Variants in CACNA1A observed in about 807,000 individuals in gnomAD.
The protein encoded by CACNA1A is voltage-dependent P/Q-type calcium channel subunit alpha-1A.
Under a neutral mutation model 262.4 loss-of-function variants are expected in CACNA1A, and 57 were observed. The observed-to-expected ratio is 0.22, with a 90% confidence interval of 0.18 to 0.27. CACNA1A has a LOEUF of 0.27. Among genes scored for constraint, CACNA1A ranks in the 10% least tolerant of loss-of-function variants. CACNA1A has a pLI of 1.00. For synonymous variants in CACNA1A, 1,431 were observed against 1,419.3 expected, an observed-to-expected ratio of 1.01 and a Z score of -0.18; for missense variants, 2,526 against 3,562.8, an observed-to-expected ratio of 0.71 and a Z score of 7.41.
At chr19:13,450,901 G>A (rs10412892) in intron 3 of CACNA1A, 38,237 of 151,838 alleles carry the variant, frequency 0.25, 6,870 homozygotes, top group African/African-American at 0.51. Flanking sequence ...CTGGGCCCAA[G>A]CAATCCTCCC....
rs117473858 is a variant in CACNA1A at position 13,494,692 on chromosome 19, C to T, written c.293+11240G>A. ...CAGTTCTGCATGGCTGGGGACGCCTCAGGAAACTTACAAATCATGGCAGAA... is the reference window on the plus strand; with the variant it reads ...CAGTTCTGCATGGCTGGGGACGCCTTAGGAAACTTACAAATCATGGCAGAA... On this transcript the variant is annotated intron_variant, in intron 1 of 46. Transcript: ENST00000360228. Among the ~76,000 whole-genome samples the T allele has an allele frequency of 0.02, 3,116 of 152,220 alleles. 189 individuals carry two copies. In the East Asian group the frequency reaches 0.21, roughly 10 times the overall value.
At chr19:13,423,926 T>C (rs2060357241) in intron 3 of CACNA1A, among the ~76,000 whole-genome samples, 1 of 152,098 alleles carries the variant, frequency 6.6e-6, no homozygotes, top group African/African-American at 2.4e-5. Flanking sequence ...ATCTAAAACA[T>C]CACCCAAGGC....
chr19:13,264,905 TG>T (rs1452050878), intron 24 of CACNA1A, among the ~76,000 whole-genome samples: 1 of 150,418 alleles, frequency 6.6e-6, no homozygotes, highest in Non-Finnish European at 1.5e-5. Flanking sequence ...GATGGAGTCT[TG>T]CTCTATTGCC....
chr19:13,344,310 CA>C (rs2058724811), intron 6 of CACNA1A, among the ~76,000 whole-genome samples: 1 of 151,810 alleles, frequency 6.6e-6, no homozygotes, highest in African/African-American at 2.4e-5. Flanking sequence ...CCAAAGTTAG[CA>C]GAAGAAAAGA....
intron 3 of CACNA1A, among the ~76,000 whole-genome samples, chr19:13,395,717 T>A (rs772644748): frequency 2.0e-5 from 3 of 151,960 alleles, no homozygotes; most frequent in Non-Finnish European, 4.4e-5. Flanking sequence ...CCAGAAGGAA[T>A]GCATGCTCTG....
intron 1 of CACNA1A, among the ~76,000 whole-genome samples, chr19:13,476,984 C>G (rs74489622): frequency 6.6e-6 from 1 of 152,174 alleles, no homozygotes; most frequent in Admixed American, 6.5e-5. Flanking sequence ...TGGCTCCCAG[C>G]TCCCTCAGAG....
intron 34 of CACNA1A, among the ~76,000 whole-genome samples, chr19:13,234,048 T>TA (rs60742009): frequency 0.82 from 84,827 of 102,994 alleles, 35,048 homozygotes; most frequent in East Asian, 0.92. Flanking sequence ...AGACTCCATC[T>TA]AAAAAAAAAA....
At chr19:13,299,547 AC>A (rs1237980753) in intron 18 of CACNA1A, among the ~76,000 whole-genome samples, 194 bp from the exon 19 acceptor site, 1 of 152,056 alleles carries the variant, frequency 6.6e-6, no homozygotes, top group African/African-American at 2.4e-5. Flanking sequence ...CATGGCTCCC[AC>A]CTGGCTAGGG....
intron 3 of CACNA1A, among the ~76,000 whole-genome samples, chr19:13,413,571 TAAAAAAA>T (rs58314938): frequency 1.4e-5 from 1 of 71,868 alleles, no homozygotes; most frequent in African/African-American, 5.5e-5. Flanking sequence ...GGTCCTGTCT[TAAAAAAA>T]AAAAAAAAAA....
In CACNA1A at chr19:13,207,580, G is replaced by A; in HGVS notation, c.7254C>T (p.Ala2418=). Residue 2418 remains alanine, a synonymous_variant, in exon 47 of 47, where the codon GCC becomes GCT. Coordinates refer to ENST00000360228, the MANE Select transcript of CACNA1A (RefSeq NM_001127222.2). This position sits in a 1 kb window ranked among gnomAD's most constrained non-coding sequence, Gnocchi z 5.7. The part of the protein sequence containing the change: ...GYYRGSDYDE[A]DGPGSGGGEE... Reference sequence around the variant, plus strand: ...CGCCGCCCCCGCTGCCCGGGCCATCGGCCTCGTCGTAGTCGGAGCCCCGGT... The same window carrying A: ...CGCCGCCCCCGCTGCCCGGGCCATCAGCCTCGTCGTAGTCGGAGCCCCGGT... 3 of 1,477,642 alleles carry A rather than the reference G, an allele frequency of 2.0e-6. No individual in the cohort carries two copies. Among genetic ancestry groups the A allele is most frequent in the South Asian group, 1.3e-5 (1 of 78,958 alleles). 91.5% of individuals were successfully genotyped at this position (1,477,642 alleles called of 1,614,324 possible).
chr19:13,402,799 C>CATATATAT (rs2059922567), intron 3 of CACNA1A, among the ~76,000 whole-genome samples: 1 of 133,152 alleles, frequency 7.5e-6, no homozygotes, highest in African/African-American at 3.0e-5. Context: ...CATATATACA[C>CATATATAT]ACATATATAT....
chr19:13,309,093 C>T (rs1170288498), intron 12 of CACNA1A, among the ~76,000 whole-genome samples: 4 of 152,130 alleles, frequency 2.6e-5, no homozygotes, highest in Non-Finnish European at 5.9e-5. Flanking sequence ...ACTGCAACCT[C>T]CGCCTCCCAG....
chr19:13,499,231 T>A (rs770599181), intron 1 of CACNA1A, among the ~76,000 whole-genome samples: 93 of 152,034 alleles, frequency 6.1e-4, no homozygotes, highest in Non-Finnish European at 1.1e-3. Context: ...TAAAACTCCC[T>A]CACCTTGTCA....
intron 3 of CACNA1A, among the ~76,000 whole-genome samples, chr19:13,430,339 T>C (rs935346248): frequency 6.6e-6 from 1 of 152,198 alleles, no homozygotes; most frequent in South Asian, 2.1e-4. Context: ...CTCGAGTAGC[T>C]AGGACTACAG....
At chr19:13,427,669 C>G (rs1599429983) in intron 3 of CACNA1A, among the ~76,000 whole-genome samples, 1 of 152,024 alleles carries the variant, frequency 6.6e-6, no homozygotes, top group East Asian at 1.9e-4. Context: ...TTTTAGGATT[C>G]TTTCCAAAGA....
chr19:13,456,708 C>T (rs1032246765), intron 1 of CACNA1A, among the ~76,000 whole-genome samples: 2 of 152,038 alleles, frequency 1.3e-5, no homozygotes, highest in Non-Finnish European at 2.9e-5. Flanking sequence ...ACATTTACAA[C>T]ACAACAACAA....
chr19:13,296,759 ATTTTTTAT>A (rs1478448632), intron 19 of CACNA1A, among the ~76,000 whole-genome samples: 1 of 150,418 alleles, frequency 6.6e-6, no homozygotes. Context: ...CTTTTTCTTT[ATTTTTTAT>A]TTTATTTTTT....
At position 13,212,390 on chromosome 19, in the gene CACNA1A, G is replaced by A. The variant is rs769428805; in HGVS notation, c.6183C>T (p.Asn2061=). 20 of 1,613,716 alleles carry A rather than the reference G, an allele frequency of 1.2e-5. No homozygotes were observed. The highest frequency in any genetic ancestry group is 5.1e-6 in the Non-Finnish European group (6 of 1,179,770). Residue 2061 remains asparagine (N), a synonymous_variant, in exon 42 of 47, where the codon AAC becomes AAT. Coordinates refer to ENST00000360228, the MANE Select transcript of CACNA1A (RefSeq NM_001127222.2). This position sits in a 1 kb window ranked among gnomAD's most constrained non-coding sequence, Gnocchi z 5.6. ...PPTDMPNSQP[N]SQSVEMREMG... ...AGTTGGGGGACAGAGGCACCTGAGAGTTAGGCTGGCTGTTGGGCATGTCGG... is the reference window on the plus strand; with the variant it reads ...AGTTGGGGGACAGAGGCACCTGAGAATTAGGCTGGCTGTTGGGCATGTCGG...
At chr19:13,374,196 T>C (rs1170368765) in intron 3 of CACNA1A, among the ~76,000 whole-genome samples, 1 of 152,160 alleles carries the variant, frequency 6.6e-6, no homozygotes, top group East Asian at 1.9e-4. Context: ...CAGCAAGTCA[T>C]GAAGCCAGAG....
Sources: gnomAD v4.1 joint callset for allele counts (sites outside exome capture counted in the v4.1 genomes callset) on GRCh38, gnomAD v4.1.1 for gene constraint, Gnocchi (gnomAD v3.1) non-coding constraint, MANE v1.5 for transcripts, NCBI Gene and HGNC (gene_info 2026-07-23, HGNC 2026-07-21) for gene names.